Variants in IGF1R observed in about 807,000 individuals in gnomAD.
The protein encoded by IGF1R is insulin-like growth factor 1 receptor.
In IGF1R, 44 loss-of-function variants were observed where a neutral mutation model predicts 144.6. That is an observed-to-expected ratio of 0.30 (90% CI 0.24 to 0.39). IGF1R has a LOEUF of 0.39. Among genes scored for constraint, IGF1R ranks in the 10% least tolerant of loss-of-function variants. The probability of loss-of-function intolerance (pLI) is 1.00; values close to 1 mark genes in which losing one functional copy is unlikely to be tolerated. For synonymous variants in IGF1R, 795 were observed against 722.8 expected (o/e 1.10, Z -1.60); for missense variants, 1,355 against 1,833.7 (o/e 0.74, Z 4.77).
At chr15:98,854,177 A>C (rs1460649830) in intron 2 of IGF1R, among the ~76,000 whole-genome samples, 2 of 152,206 alleles carry the variant, frequency 1.3e-5, no homozygotes, top group Non-Finnish European at 2.9e-5. Flanking sequence ...CCCCGGGGCC[A>C]TGAGGTTCTG....
intron 2 of IGF1R, among the ~76,000 whole-genome samples, chr15:98,854,673 C>T (rs368848792): frequency 1.3e-5 from 2 of 152,230 alleles, no homozygotes; most frequent in South Asian, 2.1e-4. Flanking sequence ...TGTTTCCCTG[C>T]GGGAGAATGC....
At chr15:98,836,281 C>T (rs2057099619) in intron 2 of IGF1R, among the ~76,000 whole-genome samples, 1 of 151,688 alleles carries the variant, frequency 6.6e-6, no homozygotes, top group African/African-American at 2.4e-5. Context: ...ACCTATAATC[C>T]CAGTGCTCTG....
At chr15:98,790,049 A>G (rs765395073) in intron 2 of IGF1R, among the ~76,000 whole-genome samples, 3 of 152,154 alleles carry the variant, frequency 2.0e-5, no homozygotes, top group Admixed American at 6.5e-5. Flanking sequence ...GATTTCTGTG[A>G]AGGAAGCTCT....
chr15:98,898,639 C>G (rs567463807), intron 4 of IGF1R, among the ~76,000 whole-genome samples: 10 of 152,262 alleles, frequency 6.6e-5, no homozygotes, highest in African/African-American at 2.2e-4. Flanking sequence ...CAACTCAAAG[C>G]AAAATAGAGC....
At chr15:98,698,963 G>A (rs536269742) in intron 1 of IGF1R, among the ~76,000 whole-genome samples, 1 of 152,224 alleles carries the variant, frequency 6.6e-6, no homozygotes. Context: ...TTGAAATGAG[G>A]ATGTGAACTG....
At chr15:98,661,391 A>G (rs150095119) in intron 1 of IGF1R, among the ~76,000 whole-genome samples, 63 of 152,344 alleles carry the variant, frequency 4.1e-4, no homozygotes, top group African/African-American at 1.4e-3. Context: ...CCTGAACTTA[A>G]TGAACACCTT....
intron 1 of IGF1R, among the ~76,000 whole-genome samples, chr15:98,650,404 C>T (rs2052329233): frequency 6.6e-6 from 1 of 152,178 alleles, no homozygotes; most frequent in Non-Finnish European, 1.5e-5. Context: ...CTCTGGGCAG[C>T]CCCCCGGGAA....
chr15:98,940,348 G>C (rs1211515669), intron 18 of IGF1R, among the ~76,000 whole-genome samples: 1 of 152,194 alleles, frequency 6.6e-6, no homozygotes, highest in Admixed American at 6.5e-5. Context: ...TCCTTTAGTA[G>C]TGATGTTTTA....
chr15:98,771,495 C>T (rs2055584121), intron 2 of IGF1R, among the ~76,000 whole-genome samples: 1 of 152,132 alleles, frequency 6.6e-6, no homozygotes, highest in South Asian at 2.1e-4. Flanking sequence ...GGGACCTGCA[C>T]AAGGCTTTAG....
In IGF1R at chr15:98,906,988, T is replaced by A. The variant is rs185650272; in HGVS notation, c.1248-1697T>A. Among the ~76,000 whole-genome samples, 6 of 152,304 alleles carry A rather than the reference T, an allele frequency of 3.9e-5. No individual in the cohort carries two copies. In the East Asian group the frequency reaches 1.2e-3, roughly 29 times the overall value. ...TTGGGCTTCAGGCTTGTGATGCAGATTCCGTGGTGGCTCTGTGACTCCTTC... is the reference window on the plus strand; with the variant it reads ...TTGGGCTTCAGGCTTGTGATGCAGAATCCGTGGTGGCTCTGTGACTCCTTC... On this transcript the variant is annotated intron_variant, in intron 5 of 20. Coordinates refer to ENST00000650285, the MANE Select transcript of IGF1R (RefSeq NM_000875.5).
chr15:98,928,771 G>A (rs943829613), intron 13 of IGF1R, among the ~76,000 whole-genome samples: 1 of 152,054 alleles, frequency 6.6e-6, no homozygotes, highest in African/African-American at 2.4e-5. Context: ...CCAGGGTATG[G>A]GTCCATGTGC....
At chr15:98,885,903 G>A (rs888467046) in intron 2 of IGF1R, among the ~76,000 whole-genome samples, 11 of 148,814 alleles carry the variant, frequency 7.4e-5, no homozygotes, top group African/African-American at 2.0e-4. Context: ...TGCAACCTCC[G>A]CCTCCTGGGT....
At chr15:98,928,020 G>A (rs2015790310) in intron 13 of IGF1R, among the ~76,000 whole-genome samples, 1 of 152,148 alleles carries the variant, frequency 6.6e-6, no homozygotes, top group Non-Finnish European at 1.5e-5. Context: ...TAATCCATTT[G>A]TTACCCAAGC....
At chr15:98,941,223 G>C (rs1378402680) in intron 18 of IGF1R, among the ~76,000 whole-genome samples, 5 of 152,204 alleles carry the variant, frequency 3.3e-5, no homozygotes, top group African/African-American at 1.2e-4. Context: ...AGAAGGACTT[G>C]GTGCAGGAAA....
chr15:98,909,261 CTTTTTTTT>C (rs752298130), intron 6 of IGF1R, among the ~76,000 whole-genome samples: 66 of 91,742 alleles, frequency 7.2e-4, no homozygotes, highest in African/African-American at 2.6e-3. Context: ...CTTTTTTTTT[CTTTTTTTT>C]TTTTTTTTTT....
chr15:98,663,891 G>C (rs1224376175), intron 1 of IGF1R, among the ~76,000 whole-genome samples: 1 of 152,224 alleles, frequency 6.6e-6, no homozygotes, highest in East Asian at 1.9e-4. Context: ...CTTTGCTACT[G>C]GTGCTTTTGA....
At chr15:98,923,152 C>T (rs2015561869) in intron 11 of IGF1R, among the ~76,000 whole-genome samples, 1 of 152,234 alleles carries the variant, frequency 6.6e-6, no homozygotes, top group Admixed American at 6.5e-5. Context: ...AGCCAGCTAA[C>T]CCCTCAAGTG....
intron 1 of IGF1R, among the ~76,000 whole-genome samples, chr15:98,679,691 G>GTTATT (rs74275759): frequency 0.34 from 51,777 of 151,778 alleles, 9,731 homozygotes; most frequent in African/African-American, 0.51. Context: ...ACTTTTAATT[G>GTTATT]TTAGAGTGTA....
At chr15:98,854,303 TG>T (rs777820576) in intron 2 of IGF1R, among the ~76,000 whole-genome samples, 24 of 152,192 alleles carry the variant, frequency 1.6e-4, no homozygotes, top group Non-Finnish European at 3.1e-4. Context: ...CTTACTCATC[TG>T]GGCCAGGTGC....
Sources: allele counts gnomAD v4.1 joint callset (sites outside exome capture counted in the v4.1 genomes callset), GRCh38; gene constraint gnomAD v4.1.1; transcripts MANE v1.5; gene names NCBI Gene and HGNC (gene_info 2026-07-23, HGNC 2026-07-21).